LRRK1: variants seen among roughly 807,000 people sequenced by gnomAD.
LRRK1 encodes leucine-rich repeat serine/threonine-protein kinase 1.
LRRK1 carries 113 observed loss-of-function variants against 209.1 expected under a neutral mutation model. The observed-to-expected ratio is 0.54, with a 90% CI of 0.46 to 0.63. The LOEUF is 0.63. Ranked by LOEUF, LRRK1 falls within the 30% of genes least tolerant of loss-of-function variation. The pLI, the probability that LRRK1 is intolerant of heterozygous loss-of-function variation, is 0.00. For missense variants in LRRK1, 2,284 were observed against 2,632.2 expected (o/e 0.87, Z 2.89); for synonymous variants, 1,144 against 1,099.7 (o/e 1.04, Z -0.80).
intron 1 of LRRK1, among the ~76,000 whole-genome samples, chr15:100,923,738 C>G (rs1026453394): frequency 6.6e-6 from 1 of 152,212 alleles, no homozygotes; most frequent in Non-Finnish European, 1.5e-5. Context: ...CACCCTGGAA[C>G]TTTTGGGGCC....
chr15:101,034,603 A>G (rs988190731), intron 20 of LRRK1, among the ~76,000 whole-genome samples: 2 of 152,128 alleles, frequency 1.3e-5, no homozygotes, highest in Non-Finnish European at 2.9e-5. Flanking sequence ...ATTTTGTTCC[A>G]TTAGTCTAGG....
chr15:101,062,915 G>A (rs760081969), intron 31 of LRRK1, among the ~76,000 whole-genome samples: 1 of 152,232 alleles, frequency 6.6e-6, no homozygotes, highest in African/African-American at 2.4e-5. Flanking sequence ...ACTGCAGGCC[G>A]AATGAAAAAC....
chr15:101,046,230 C>T (rs1056125597), intron 21 of LRRK1, 78 bp downstream of exon 21: 9 of 1,466,646 alleles, frequency 6.1e-6, no homozygotes, highest in Middle Eastern at 1.9e-4. Flanking sequence ...GGGGAATGCC[C>T]TTTGCTGGGG....
At chr15:100,964,476 G>A (rs536593643) in intron 2 of LRRK1, among the ~76,000 whole-genome samples, 2 of 152,198 alleles carry the variant, frequency 1.3e-5, no homozygotes, top group Non-Finnish European at 2.9e-5. Flanking sequence ...GGCCAGCCCC[G>A]TTTCCCTGGT....
In LRRK1 at chr15:101,062,644, C is replaced by T; in HGVS notation, c.4868C>T (p.Thr1623Ile). The stretch of plus-strand genomic sequence containing the variant: ...AACACACCCCAACAGGCCTTGGATA[C>T]TCCAGCTGTCGTCACCTGCTTCTTG... ...PLNTPQQALD[T>I]PAVVTCFLAV... is the part of the protein sequence containing the mutation. The change falls in exon 31 of 34, where the codon ACT becomes ATT. Residue 1623 changes from threonine to isoleucine, a missense_variant. By Grantham distance (89) the Thr-to-Ile change is moderately conservative. Coordinates refer to ENST00000388948, the MANE Select transcript of LRRK1 (RefSeq NM_024652.6). 6.2e-7 allele frequency: 1 copy of T among 1,614,226 alleles called. No homozygotes were observed.
chr15:100,954,866 C>T (rs2042722605), intron 2 of LRRK1, among the ~76,000 whole-genome samples: 1 of 152,170 alleles, frequency 6.6e-6, no homozygotes, highest in African/African-American at 2.4e-5. Flanking sequence ...TATTTTAACA[C>T]ATAGACCAAT....
intron 2 of LRRK1, among the ~76,000 whole-genome samples, chr15:100,953,100 C>T (rs1341930021): frequency 6.6e-6 from 1 of 152,100 alleles, no homozygotes; most frequent in Admixed American, 6.6e-5. Flanking sequence ...ACACATCTAC[C>T]ATTTCACATA....
At chr15:101,023,625 T>C (rs1310175955) in intron 15 of LRRK1, among the ~76,000 whole-genome samples, 1 of 152,184 alleles carries the variant, frequency 6.6e-6, no homozygotes, top group Admixed American at 6.5e-5. Context: ...CTGAGGAGGC[T>C]TGAGATCCAG....
intron 2 of LRRK1, among the ~76,000 whole-genome samples, chr15:100,941,676 T>G (rs2042440829): frequency 6.6e-6 from 1 of 152,184 alleles, no homozygotes; most frequent in African/African-American, 2.4e-5. Context: ...ACACAGCATT[T>G]GTCACAATAG....
At chr15:100,923,401 T>C (rs1285290686) in intron 1 of LRRK1, among the ~76,000 whole-genome samples, 1 of 152,178 alleles carries the variant, frequency 6.6e-6, no homozygotes, top group Non-Finnish European at 1.5e-5. Context: ...ATTTAAAAAA[T>C]ATATTTTTGG....
chr15:101,008,693 G>T, intron 6 of LRRK1, 144 bp from the exon 7 acceptor site: 1 of 655,964 alleles, frequency 1.5e-6, no homozygotes. Context: ...GCCGGCGGCC[G>T]AGAAGGACAT....
At chr15:101,012,704 C>T (rs892939808) in intron 10 of LRRK1, among the ~76,000 whole-genome samples, 1 of 152,162 alleles carries the variant, frequency 6.6e-6, no homozygotes, top group Non-Finnish European at 1.5e-5. Context: ...AGGACCCCCA[C>T]GGGCACTCCT....
intron 1 of LRRK1, among the ~76,000 whole-genome samples, chr15:100,922,764 C>T (rs1278875806): frequency 2.0e-5 from 3 of 152,204 alleles, no homozygotes; most frequent in East Asian, 1.9e-4. Flanking sequence ...TTTCCTCCTT[C>T]GACTTTTCAG....
intron 3 of LRRK1, 27 bp downstream of exon 3, chr15:100,973,994 A>C (rs2031138117): frequency 1.6e-6 from 2 of 1,244,682 alleles, no homozygotes; most frequent in South Asian, 3.9e-5. Flanking sequence ...CCCTGCGGCC[A>C]CCCATGCAGC....
chr15:100,987,977 C>T lies in LRRK1; in HGVS notation c.434-657C>T, dbSNP rs190338667. On this transcript the variant is annotated intron_variant, in intron 4 of 33. Transcript: ENST00000388948. ...TATTTGGCTAAGATCATGCTGGATA[C>T]GCCATTTTTAATCCTCCATTTCATC... Among the ~76,000 whole-genome samples, 36 of 152,200 alleles carry T rather than the reference C, an allele frequency of 2.4e-4. 2 individuals are homozygous for T. Among genetic ancestry groups the T allele is most frequent in the Admixed American group, 8.5e-4 (13 of 15,292 alleles).
At chr15:101,013,520 G>T (rs1297155037) in intron 10 of LRRK1, among the ~76,000 whole-genome samples, 1 of 152,136 alleles carries the variant, frequency 6.6e-6, no homozygotes, top group Non-Finnish European at 1.5e-5. Flanking sequence ...AGGCCAAAAT[G>T]GGGGGACTGC....
At chr15:101,038,418 G>A (rs2034586102) in intron 20 of LRRK1, among the ~76,000 whole-genome samples, 1 of 152,118 alleles carries the variant, frequency 6.6e-6, no homozygotes, top group African/African-American at 2.4e-5. Flanking sequence ...GGCTGCTCAG[G>A]TCTCAGAGAG....
intron 6 of LRRK1, among the ~76,000 whole-genome samples, chr15:101,006,071 G>T (rs191967295): frequency 3.3e-5 from 5 of 152,154 alleles, no homozygotes; most frequent in Non-Finnish European, 7.3e-5. Context: ...ATCGCAAAGG[G>T]TATAATGTTA....
intron 12 of LRRK1, among the ~76,000 whole-genome samples, chr15:101,019,396 T>A (rs1352571030): frequency 6.6e-6 from 1 of 152,306 alleles, no homozygotes; most frequent in Admixed American, 6.5e-5. Context: ...AAGGAAGCTT[T>A]TTGAACATTT....
Sources: gnomAD v4.1 joint callset for allele counts (sites outside exome capture counted in the v4.1 genomes callset) on GRCh38, gnomAD v4.1.1 for gene constraint, MANE v1.5 for transcripts, NCBI Gene and HGNC (gene_info 2026-07-23, HGNC 2026-07-21) for gene names.